Variants in TNIK observed in about 807,000 individuals in gnomAD.
TNIK encodes the protein TRAF2 and NCK-interacting protein kinase.
TNIK carries 49 observed loss-of-function variants against 191.3 expected under a neutral mutation model. The ratio of observed to expected loss-of-function variants is 0.26; its 90% CI spans 0.20 to 0.32. The LOEUF is 0.32. Ranked by LOEUF, TNIK falls within the 10% of genes least tolerant of loss-of-function variation. TNIK has a pLI of 1.00. For synonymous variants in TNIK, 594 were observed against 600.9 expected (o/e 0.99, Z 0.17); for missense variants, 1,155 against 1,702.3 (o/e 0.68, Z 5.66).
chr3:171,415,853 T>C (rs1379616943), intron 1 of TNIK, among the ~76,000 whole-genome samples: 4 of 151,016 alleles, frequency 2.6e-5, no homozygotes, highest in Non-Finnish European at 5.9e-5. Context: ...TGGTGGCTCA[T>C]GCCTGTAATC....
At chr3:171,459,225 GAC>G (rs10656785) in intron 1 of TNIK, among the ~76,000 whole-genome samples, 131 of 150,436 alleles carry the variant, frequency 8.7e-4, no homozygotes, top group African/African-American at 2.4e-3. Context: ...AACACACACA[GAC>G]ACACACACAC....
chr3:171,177,171 T>C (rs543962380), intron 8 of TNIK, among the ~76,000 whole-genome samples, 155 bp downstream of exon 8: 1 of 152,250 alleles, frequency 6.6e-6, no homozygotes, highest in Admixed American at 6.5e-5. Context: ...GGATTCCTGG[T>C]TGATTTAAGA....
intron 12 of TNIK, 131 bp downstream of exon 12, chr3:171,157,329 C>A: frequency 8.9e-7 from 1 of 1,123,042 alleles, no homozygotes; most frequent in South Asian, 1.6e-5. Flanking sequence ...ACTTATCTGC[C>A]CTTGCAGTCA....
chr3:171,191,787 T>A (rs563559890), intron 5 of TNIK, among the ~76,000 whole-genome samples: 1 of 152,356 alleles, frequency 6.6e-6, no homozygotes, highest in East Asian at 1.9e-4. Flanking sequence ...TTACTCTGTT[T>A]TTGGCTTCTT....
intron 25 of TNIK, among the ~76,000 whole-genome samples, chr3:171,084,666 C>G (rs114310456): frequency 1.2e-3 from 179 of 152,252 alleles, no homozygotes; most frequent in African/African-American, 4.0e-3. Context: ...CTGTCCTAAG[C>G]TGACTTTGAT....
At chr3:171,302,758 A>C (rs1753020054) in intron 2 of TNIK, among the ~76,000 whole-genome samples, 1 of 152,174 alleles carries the variant, frequency 6.6e-6, no homozygotes, top group Admixed American at 6.6e-5. Context: ...ATGTTTATAA[A>C]AGAATGAGAA....
At chr3:171,250,910 T>C (rs1329747822) in intron 2 of TNIK, among the ~76,000 whole-genome samples, 1 of 152,260 alleles carries the variant, frequency 6.6e-6, no homozygotes, top group African/African-American at 2.4e-5. Flanking sequence ...CAATTGATGG[T>C]GTCCCAGACC....
chr3:171,233,541 T>A (rs781538543), intron 2 of TNIK, among the ~76,000 whole-genome samples: 4 of 152,086 alleles, frequency 2.6e-5, no homozygotes, highest in Non-Finnish European at 5.9e-5. Context: ...GACAACTCTG[T>A]CAGGTCCCTC....
chr3:171,109,928 G>T (rs1725589064), intron 19 of TNIK, among the ~76,000 whole-genome samples: 1 of 150,818 alleles, frequency 6.6e-6, no homozygotes, highest in Non-Finnish European at 1.5e-5. Flanking sequence ...TTTTTTGATG[G>T]AGTTTCATTC....
Position 171,278,409 on chromosome 3 carries a change from G to C in TNIK, c.124-50188C>G, listed in dbSNP as rs112091226. ...ATGAAGCTTATCAACATCAACATAA[G>C]TATTCAGCATTCTAGGCCAAAGACT... is the stretch of plus-strand genomic sequence containing the variant. On this transcript the variant is annotated intron_variant, in intron 2 of 32. Coordinates refer to ENST00000436636, the MANE Select transcript of TNIK (RefSeq NM_015028.4). 4.3e-3 allele frequency among the ~76,000 whole-genome samples: 650 copies of C among 152,194 alleles called. 2 individuals are homozygous for C. The highest frequency in any genetic ancestry group is 0.015 in the African/African-American group (627 of 41,496).
chr3:171,149,872 C>A (rs1453021131), intron 12 of TNIK, among the ~76,000 whole-genome samples: 1 of 152,214 alleles, frequency 6.6e-6, no homozygotes, highest in Admixed American at 6.5e-5. Context: ...CTCCAACTAG[C>A]CAGCCACTGC....
intron 3 of TNIK, chr3:171,225,534 C>T: frequency 2.2e-6 from 1 of 456,522 alleles, no homozygotes; most frequent in Non-Finnish European, 4.4e-6. Context: ...ATGGCCTTAC[C>T]TCTGTACCCT....
intron 2 of TNIK, among the ~76,000 whole-genome samples, chr3:171,230,427 G>A (rs1743477247): frequency 1.3e-5 from 2 of 152,118 alleles, no homozygotes; most frequent in Admixed American, 1.3e-4. Context: ...TAGCTGATTT[G>A]CCTTGAAATT....
chr3:171,135,307 A>G (rs1026765857), intron 15 of TNIK, among the ~76,000 whole-genome samples: 4 of 152,238 alleles, frequency 2.6e-5, no homozygotes, highest in African/African-American at 9.6e-5. Context: ...GCTGATGAGA[A>G]GCATTAAAAG....
chr3:171,097,153 G>C (rs925949450), intron 22 of TNIK, among the ~76,000 whole-genome samples: 3 of 152,164 alleles, frequency 2.0e-5, no homozygotes, highest in African/African-American at 4.8e-5. Context: ...GAGATCAGAA[G>C]CTCCCAGGAA....
intron 1 of TNIK, among the ~76,000 whole-genome samples, chr3:171,445,278 G>A (rs1055901697): frequency 1.2e-4 from 19 of 152,012 alleles, no homozygotes; most frequent in African/African-American, 4.6e-4. Context: ...AATCAGTCAG[G>A]TATGGTGGCA....
chr3:171,304,785 T>C (rs1753244192), intron 2 of TNIK, among the ~76,000 whole-genome samples: 1 of 151,740 alleles, frequency 6.6e-6, no homozygotes, highest in African/African-American at 2.4e-5. Flanking sequence ...CCACATGTTC[T>C]CACTCAGGTG....
intron 2 of TNIK, among the ~76,000 whole-genome samples, chr3:171,276,398 T>C (rs1048096590): frequency 6.6e-6 from 1 of 152,014 alleles, no homozygotes; most frequent in Non-Finnish European, 1.5e-5. Context: ...GAGGAGGGGC[T>C]GGGAAAAAAC....
intron 3 of TNIK, among the ~76,000 whole-genome samples, chr3:171,218,021 T>C (rs537548170): frequency 3.9e-5 from 6 of 152,232 alleles, no homozygotes; most frequent in South Asian, 2.1e-4. Context: ...ATAACAACAA[T>C]AGGCACAGAA....
Sources: gnomAD v4.1 joint callset for allele counts (sites outside exome capture counted in the v4.1 genomes callset) on GRCh38, gnomAD v4.1.1 for gene constraint, MANE v1.5 for transcripts, NCBI Gene and HGNC (gene_info 2026-07-23, HGNC 2026-07-21) for gene names.